The following FIG4 variants were observed in gnomAD, a reference collection of about 807,000 sequenced individuals.
FIG4 encodes polyphosphoinositide phosphatase.
In FIG4, 112 loss-of-function variants were observed where a neutral mutation model predicts 118.6. That is an observed-to-expected ratio of 0.94 (90% CI 0.81 to 1.11). The LOEUF is 1.11. FIG4 is among the 50% of genes least tolerant of loss of function. The probability of loss-of-function intolerance (pLI) is 0.00; values close to 1 mark genes in which losing one functional copy is unlikely to be tolerated. For synonymous variants in FIG4, 369 were observed against 381.2 expected, an observed-to-expected ratio of 0.97 and a Z score of 0.37; for missense variants, 969 against 1,111.7, an observed-to-expected ratio of 0.87 and a Z score of 1.83.
chr6:109,742,111 T>C (rs1302991115), intron 8 of FIG4, among the ~76,000 whole-genome samples: 1 of 152,034 alleles, frequency 6.6e-6, no homozygotes, highest in Admixed American at 6.6e-5. Context: ...TGAGGAATTA[T>C]AAAATGTCTA....
intron 22 of FIG4, among the ~76,000 whole-genome samples, chr6:109,799,364 G>A (rs1230856789): frequency 1.3e-5 from 2 of 148,184 alleles, no homozygotes; most frequent in South Asian, 2.1e-4. Flanking sequence ...TGTTTTTGGG[G>A]TGTGTGTGTG....
chr6:109,791,174 A>G (rs999884680), intron 19 of FIG4, among the ~76,000 whole-genome samples: 1 of 152,206 alleles, frequency 6.6e-6, no homozygotes, highest in African/African-American at 2.4e-5. Context: ...AATTTATAAC[A>G]GGGCTTATAT....
At chr6:109,818,846 G>A (rs1382899365) in intron 22 of FIG4, among the ~76,000 whole-genome samples, 3 of 152,140 alleles carry the variant, frequency 2.0e-5, no homozygotes, top group Non-Finnish European at 2.9e-5. Context: ...AGTACAAGTC[G>A]CAGGTAGAAC....
chr6:109,771,308 AT>A (rs1171955450), intron 15 of FIG4, among the ~76,000 whole-genome samples: 1 of 152,120 alleles, frequency 6.6e-6, no homozygotes, highest in African/African-American at 2.4e-5. Context: ...GTCCTGTGAC[AT>A]TTCCATAGTA....
At position 109,785,179 on chromosome 6, in the gene FIG4, A is replaced by C. The variant is rs1777916937; in HGVS notation, c.1948+151A>C. 9.4e-6 allele frequency: 6 copies of C among 641,350 alleles called. No individual in the cohort carries two copies. The Admixed American group carries it at 1.2e-4, about 13-fold the overall frequency. 39.7% of individuals were successfully genotyped at this position (641,350 alleles called of 1,614,324 possible). A position where few individuals can be genotyped will look rare whatever the true frequency, so the allele number is the denominator to read the frequency against. ...TTATGTTGCTGCTTTAATAGATAGG[A>C]TATTATAACATCTCTTAGCTTTTTA... is the stretch of plus-strand genomic sequence containing the variant. On this transcript the variant is annotated intron_variant, in intron 17 of 22. Transcript: ENST00000230124.
At chr6:109,777,138 A>G in intron 16 of FIG4, 78 bp downstream of exon 16, 1 of 1,363,172 alleles carries the variant, frequency 7.3e-7, no homozygotes, top group South Asian at 1.2e-5. Flanking sequence ...ATTTTGAGAA[A>G]TCATAGGCTA....
At chr6:109,822,021 T>C (rs80263131) in intron 22 of FIG4, among the ~76,000 whole-genome samples, 2,259 of 152,200 alleles carry the variant, frequency 0.015, 58 homozygotes, top group African/African-American at 0.051. Context: ...GCCTAGGAGA[T>C]ACAGGAAGAC....
chr6:109,737,363 G>A (rs931454375), intron 6 of FIG4, among the ~76,000 whole-genome samples: 3 of 152,066 alleles, frequency 2.0e-5, no homozygotes, highest in Non-Finnish European at 2.9e-5. Context: ...TCATTTTCTA[G>A]TTTAGAAAGT....
At chr6:109,824,212 G>A (rs1461206824) in intron 22 of FIG4, among the ~76,000 whole-genome samples, 2 of 152,222 alleles carry the variant, frequency 1.3e-5, no homozygotes, top group Non-Finnish European at 2.9e-5. Context: ...ATTATTGGGT[G>A]CTTTTCAAAT....
intron 1 of FIG4, among the ~76,000 whole-genome samples, chr6:109,698,425 G>A (rs1470542913): frequency 6.6e-6 from 1 of 152,102 alleles, no homozygotes; most frequent in Non-Finnish European, 1.5e-5. Flanking sequence ...AGACCAATTC[G>A]GGATAATTGA....
chr6:109,731,456 A>G (rs1264768860), intron 4 of FIG4, among the ~76,000 whole-genome samples: 2 of 152,164 alleles, frequency 1.3e-5, no homozygotes, highest in Non-Finnish European at 2.9e-5. Flanking sequence ...TCAGCAGACA[A>G]TGGATAAATA....
At chr6:109,708,820 TC>T (rs1421604789) in intron 1 of FIG4, among the ~76,000 whole-genome samples, 1 of 152,216 alleles carries the variant, frequency 6.6e-6, no homozygotes, top group African/African-American at 2.4e-5. Context: ...TGATTTTTTT[TC>T]GTGTAAATTT....
intron 16 of FIG4, among the ~76,000 whole-genome samples, chr6:109,777,958 G>A (rs1409153151): frequency 6.6e-6 from 1 of 152,124 alleles, no homozygotes; most frequent in East Asian, 1.9e-4. Flanking sequence ...GTCATTGTGA[G>A]GACTTAATGA....
chr6:109,707,065 C>T (rs1365800322), intron 1 of FIG4, among the ~76,000 whole-genome samples: 1 of 152,130 alleles, frequency 6.6e-6, no homozygotes, highest in African/African-American at 2.4e-5. Flanking sequence ...GATGTCCCAA[C>T]TTAGTTTACT....
At chr6:109,731,677 G>T (rs12215077) in intron 4 of FIG4, among the ~76,000 whole-genome samples, 51,397 of 151,964 alleles carry the variant, frequency 0.34, 9,299 homozygotes, top group South Asian at 0.45. Context: ...TAATCTGGAG[G>T]TAATTGAGAG....
At position 109,734,666 on chromosome 6, in the gene FIG4, T is replaced by C. The variant is rs74441459; in HGVS notation, c.498-484T>C. 9.1e-3 allele frequency among the ~76,000 whole-genome samples: 1,380 copies of C among 152,182 alleles called. 27 individuals are homozygous for C. Among genetic ancestry groups the C allele is most frequent in the African/African-American group, 0.03 (1,261 of 41,550 alleles). ...ACATGTTTCACTGTAATGGCCTATA[T>C]TATTTGCTTATTTCTGTTTTATGAA... On this transcript the variant is annotated intron_variant, in intron 5 of 22. Coordinates refer to ENST00000230124, the MANE Select transcript of FIG4 (RefSeq NM_014845.6).
At chr6:109,786,194 C>T (rs1777950522) in intron 17 of FIG4, 108 bp from the exon 18 acceptor site, 3 of 944,828 alleles carry the variant, frequency 3.2e-6, no homozygotes, top group Non-Finnish European at 3.3e-6. Context: ...AGGGCTGTAT[C>T]CCCCACAGAG....
At chr6:109,703,278 T>G (rs1774959367) in intron 1 of FIG4, among the ~76,000 whole-genome samples, 1 of 152,200 alleles carries the variant, frequency 6.6e-6, no homozygotes, top group Non-Finnish European at 1.5e-5. Context: ...TACTCTGTTC[T>G]TGATCTTTAG....
At chr6:109,737,255 G>C (rs1776185626) in intron 6 of FIG4, among the ~76,000 whole-genome samples, 2 of 152,080 alleles carry the variant, frequency 1.3e-5, no homozygotes, top group African/African-American at 4.8e-5. Flanking sequence ...GGTTGAAAAG[G>C]AAAACAATAA....
Sources: gnomAD v4.1 joint callset for allele counts (sites outside exome capture counted in the v4.1 genomes callset) on GRCh38, gnomAD v4.1.1 for gene constraint, MANE v1.5 for transcripts, NCBI Gene and HGNC (gene_info 2026-07-23, HGNC 2026-07-21) for gene names.